Variants in SLC6A17 observed in about 807,000 individuals in gnomAD.
The protein encoded by SLC6A17 is solute carrier family 6 member 17, also known as sodium-dependent neutral amino acid transporter SLC6A17.
SLC6A17 carries 21 observed loss-of-function variants against 64.5 expected under a neutral mutation model. The observed-to-expected ratio is 0.33, with a 90% CI of 0.23 to 0.47. SLC6A17 has a LOEUF of 0.47. Ranked by LOEUF, SLC6A17 falls within the 20% of genes least tolerant of loss-of-function variation. The pLI is 1.00. For synonymous variants in SLC6A17, 372 were observed against 399.5 expected (o/e 0.93, Z 0.82); for missense variants, 682 against 963.2 (o/e 0.71, Z 3.86).
intron 6 of SLC6A17, chr1:110,178,757 C>T (rs1020439335): frequency 1.3e-5 from 2 of 152,216 alleles, no homozygotes; most frequent in African/African-American, 4.8e-5. Flanking sequence ...TCACTTGAGC[C>T]TCTTTTTATA....
At chr1:110,171,827 C>T (rs113446662) in intron 2 of SLC6A17, among the ~76,000 whole-genome samples, 1 of 152,126 alleles carries the variant, frequency 6.6e-6, no homozygotes, top group African/African-American at 2.4e-5. Context: ...CATACACTTC[C>T]TCCCTTAGTG....
chr1:110,190,155 G>A (rs74117548), intron 6 of SLC6A17, among the ~76,000 whole-genome samples: 185 of 152,232 alleles, frequency 1.2e-3, no homozygotes, highest in African/African-American at 4.4e-3. Context: ...TACCTAATAA[G>A]TACACAGGGG....
At chr1:110,152,115 T>C (rs1440875468) in intron 1 of SLC6A17, among the ~76,000 whole-genome samples, 1 of 152,142 alleles carries the variant, frequency 6.6e-6, no homozygotes, top group African/African-American at 2.4e-5. Context: ...AGTGGGGAGT[T>C]CTTGTGTCTC....
In SLC6A17 at chr1:110,199,644, A is replaced by G. The variant is rs116175438; in HGVS notation, c.*1200A>G. On this transcript the variant is annotated 3_prime_UTR_variant, in exon 12 of 12. Coordinates refer to ENST00000331565, the MANE Select transcript of SLC6A17 (RefSeq NM_001010898.4). ...TTCCTGGCCCACAGTGGCCAGTGCC[A>G]TAGGCAGTGCTGTGGACAGTAGAGG... 0.03 allele frequency: 7,954 copies of G among 267,260 alleles called. 593 individuals carry two copies. The highest frequency in any genetic ancestry group is 0.16 in the African/African-American group (7,217 of 45,696). The allele number at this position is 267,260 out of a possible 1,614,324, so 16.6% of individuals were successfully genotyped here.
At position 110,200,331 on chromosome 1, in the gene SLC6A17, C is replaced by T. The variant is rs969844300; in HGVS notation, c.*1887C>T. The T allele has an allele frequency of 2.7e-6, 1 of 376,438 alleles. No individual in the cohort carries two copies. Among genetic ancestry groups the T allele is most frequent in the African/African-American group, 2.1e-5 (1 of 48,076 alleles). 23.3% of individuals were successfully genotyped at this position (376,438 alleles called of 1,614,324 possible). A position where few individuals can be genotyped will look rare whatever the true frequency, so the allele number is the denominator to read the frequency against. On this transcript the variant is annotated 3_prime_UTR_variant, in exon 12 of 12. Coordinates refer to ENST00000331565, the MANE Select transcript of SLC6A17 (RefSeq NM_001010898.4). ...GGGGAGAGAGAGACCCACATCTCCCCAAAGAGATGAGCTTTTGGGGCACAA... is the reference window on the plus strand; with the variant it reads ...GGGGAGAGAGAGACCCACATCTCCCTAAAGAGATGAGCTTTTGGGGCACAA...
intron 3 of SLC6A17, among the ~76,000 whole-genome samples, 161 bp from the exon 4 acceptor site, chr1:110,173,812 A>T (rs1455396198): frequency 6.7e-6 from 1 of 150,338 alleles, no homozygotes; most frequent in Admixed American, 6.6e-5. Context: ...ATGGAGCGTG[A>T]GGGGAGCTCC....
At chr1:110,152,417 C>T (rs1010361072) in intron 1 of SLC6A17, among the ~76,000 whole-genome samples, 4 of 152,168 alleles carry the variant, frequency 2.6e-5, no homozygotes, top group African/African-American at 9.7e-5. Context: ...CACACAGAGT[C>T]GTGTGTCAGC....
intron 6 of SLC6A17, chr1:110,178,566 C>T (rs1269024898): frequency 6.6e-6 from 1 of 152,532 alleles, no homozygotes; most frequent in Non-Finnish European, 1.5e-5. Flanking sequence ...TCCATTCCTG[C>T]TGCTACAACA....
At chr1:110,186,798 GT>G (rs1656697215) in intron 6 of SLC6A17, among the ~76,000 whole-genome samples, 1 of 152,234 alleles carries the variant, frequency 6.6e-6, no homozygotes, top group African/African-American at 2.4e-5. Context: ...ACATAAACCT[GT>G]GACGTGGGTA....
intron 6 of SLC6A17, among the ~76,000 whole-genome samples, chr1:110,186,547 G>A (rs542719421): frequency 1.3e-5 from 2 of 151,840 alleles, no homozygotes; most frequent in Non-Finnish European, 2.9e-5. Context: ...TCCTAAGATC[G>A]TCCTCTTATT....
intron 6 of SLC6A17, among the ~76,000 whole-genome samples, chr1:110,180,814 T>C (rs190859985): frequency 1.2e-4 from 19 of 152,302 alleles, no homozygotes; most frequent in Middle Eastern, 6.8e-3. Context: ...TCATGCTGTT[T>C]GGTACCTCTG....
intron 6 of SLC6A17, among the ~76,000 whole-genome samples, chr1:110,183,304 A>C (rs1255643365): frequency 6.6e-6 from 1 of 152,266 alleles, no homozygotes; most frequent in Non-Finnish European, 1.5e-5. Flanking sequence ...GGAATGAGGC[A>C]GTGATACACA....
chr1:110,180,495 G>A (rs112287953), intron 6 of SLC6A17, among the ~76,000 whole-genome samples: 1,924 of 152,298 alleles, frequency 0.013, 20 homozygotes, highest in Middle Eastern at 0.027. Context: ...CCCCCTCAGG[G>A]AGTCAGGCAA....
At chr1:110,197,044 T>C (rs1286808978) in intron 10 of SLC6A17, among the ~76,000 whole-genome samples, 2 of 152,204 alleles carry the variant, frequency 1.3e-5, no homozygotes, top group African/African-American at 2.4e-5. Flanking sequence ...AGGGCAGCTC[T>C]CTACCTTTGG....
intron 2 of SLC6A17, among the ~76,000 whole-genome samples, chr1:110,169,731 T>C (rs1656167739): frequency 6.6e-6 from 1 of 152,200 alleles, no homozygotes; most frequent in African/African-American, 2.4e-5. Flanking sequence ...GATGAACAAC[T>C]TTAGGCTCCT....
chr1:110,193,986 A>C (rs1200010234), intron 8 of SLC6A17, among the ~76,000 whole-genome samples: 2 of 152,246 alleles, frequency 1.3e-5, no homozygotes, highest in Non-Finnish European at 2.9e-5. Context: ...AGCATGGCCC[A>C]AGCATTAAAG....
intron 1 of SLC6A17, among the ~76,000 whole-genome samples, chr1:110,164,643 C>T (rs1223216985): frequency 6.6e-6 from 1 of 152,228 alleles, no homozygotes; most frequent in Admixed American, 6.5e-5. Context: ...GCGTCAGTGA[C>T]ATCTTGGGAA....
At position 110,192,730 on chromosome 1, in the gene SLC6A17, G is replaced by T. The variant is rs1420868982; in HGVS notation, c.1299+32G>T. 1 of 1,593,344 alleles carries T rather than the reference G, an allele frequency of 6.3e-7. No individual in the cohort carries two copies. The highest frequency in any genetic ancestry group is 1.7e-5 in the Admixed American group (1 of 58,118). On this transcript the variant is annotated intron_variant, in intron 8 of 11. Coordinates refer to ENST00000331565, the MANE Select transcript of SLC6A17 (RefSeq NM_001010898.4). The surrounding 1 kb of genome is among the most constrained non-coding windows in gnomAD (Gnocchi z 4.3). ...GGACAGGCTGCCCTTCCCAGGACAG[G>T]CAGGAACCCAGAGAGCAGCTGTGGC...
chr1:110,167,623 A>G (rs903687226), intron 2 of SLC6A17, among the ~76,000 whole-genome samples: 1 of 152,214 alleles, frequency 6.6e-6, no homozygotes, highest in Non-Finnish European at 1.5e-5. Context: ...CCTGTTGGCC[A>G]TTATTACTAA....
Sources: allele counts gnomAD v4.1 joint callset (sites outside exome capture counted in the v4.1 genomes callset), GRCh38; gene constraint gnomAD v4.1.1; non-coding constraint Gnocchi (gnomAD v3.1); transcripts MANE v1.5; gene names NCBI Gene and HGNC (gene_info 2026-07-23, HGNC 2026-07-21).